RAB3IL1: variants seen among roughly 807,000 people sequenced by gnomAD.
RAB3IL1 encodes the protein guanine nucleotide exchange factor for Rab-3A.
RAB3IL1 carries 37 observed loss-of-function variants against 49.2 expected under a neutral mutation model. The observed-to-expected ratio is 0.75, with a 90% CI of 0.58 to 0.99. The LOEUF (loss-of-function observed/expected upper bound fraction) is 0.99, where lower values mean the gene tolerates loss of function less well. Ranked by LOEUF, RAB3IL1 falls within the 50% of genes least tolerant of loss-of-function variation. The pLI, the probability that RAB3IL1 is intolerant of heterozygous loss-of-function variation, is 0.00. For missense variants in RAB3IL1, 484 were observed against 513.0 expected (o/e 0.94, Z 0.55); for synonymous variants, 193 against 213.9 (o/e 0.90, Z 0.85).
chr11:61,917,588 CGAG>C, upstream of RAB3IL1: 1 of 1,068,228 alleles, frequency 9.4e-7, no homozygotes. Context: ...GGGAGCGGCC[CGAG>C]GACACGTGCC....
At chr11:61,900,397 G>C (rs758233713) in intron 8 of RAB3IL1, among the ~76,000 whole-genome samples, 1 of 152,256 alleles carries the variant, frequency 6.6e-6, no homozygotes, top group African/African-American at 2.4e-5. Context: ...CATCAAGTGA[G>C]AGGGGCACCC....
intron 7 of RAB3IL1, 61 bp from the exon 8 acceptor site, chr11:61,902,602 T>C (rs1256514206): frequency 2.1e-6 from 3 of 1,410,724 alleles, no homozygotes; most frequent in African/African-American, 1.4e-5. Flanking sequence ...CCCTCACCCC[T>C]GCATACAGGG....
the RAB3IL1 span, among the ~76,000 whole-genome samples, chr11:61,945,185 C>T: frequency 2.6e-5 from 4 of 152,174 alleles, no homozygotes; most frequent in African/African-American, 7.2e-5. Context: ...ACCCTTGTGC[C>T]GTCCTCTCCA....
intron 4 of RAB3IL1, 103 bp downstream of exon 4, chr11:61,907,290 G>C: frequency 7.9e-7 from 1 of 1,259,200 alleles, no homozygotes; most frequent in South Asian, 1.2e-5. Context: ...TGGCCCCACC[G>C]GGCCAGGTGA....
chr11:61,903,772 G>A (rs1287251087), intron 7 of RAB3IL1, among the ~76,000 whole-genome samples: 5 of 151,998 alleles, frequency 3.3e-5, no homozygotes, highest in South Asian at 2.1e-4. Context: ...TGATCCACCC[G>A]CCTCAACCTC....
upstream of RAB3IL1, among the ~76,000 whole-genome samples, chr11:61,917,988 G>A (rs1245519270): frequency 1.3e-5 from 2 of 152,120 alleles, no homozygotes; most frequent in African/African-American, 2.4e-5. Flanking sequence ...GGACAAACCC[G>A]AAACAAGTTT....
At chr11:61,926,463 G>C in the RAB3IL1 span, among the ~76,000 whole-genome samples, 3 of 152,164 alleles carry the variant, frequency 2.0e-5, no homozygotes, top group Non-Finnish European at 4.4e-5. Context: ...CCCAATGTTG[G>C]AGGTGGGCCT....
upstream of RAB3IL1, chr11:61,920,384 C>A: frequency 5.8e-6 from 4 of 691,856 alleles, no homozygotes; most frequent in Non-Finnish European, 8.0e-6. Flanking sequence ...ACTCCTGTGG[C>A]TCCTCAGGCA....
chr11:61,902,420 A>C (rs1411308264), intron 8 of RAB3IL1, 22 bp downstream of exon 8: 2 of 1,569,122 alleles, frequency 1.3e-6, no homozygotes, highest in Non-Finnish European at 1.7e-6. Flanking sequence ...GAGTCAAGTA[A>C]CGCTTGCAAA....
chr11:61,898,009 C>T lies in RAB3IL1; in HGVS notation c.*269G>A. ...GAGGCCCCCCGAGTATGGATCCGAG[C>T]TCCCTGGTCTTTGGTGCTTTCTTGA... On this transcript the variant is annotated 3_prime_UTR_variant, in exon 10 of 10. Coordinates refer to ENST00000394836, the MANE Select transcript of RAB3IL1 (RefSeq NM_013401.4). The surrounding 1 kb of genome is among the most constrained non-coding windows in gnomAD (Gnocchi z 5.1). 4.4e-6 allele frequency: 2 copies of T among 455,736 alleles called. No homozygotes were observed. Among genetic ancestry groups the T allele is most frequent in the Non-Finnish European group, 8.0e-6 (2 of 251,142 alleles). The allele number at this position is 455,736 out of a possible 1,614,324, so 28.2% of individuals were successfully genotyped here. A position where few individuals can be genotyped will look rare whatever the true frequency, so the allele number is the denominator to read the frequency against.
chr11:61,909,107 C>A (rs1289845407), intron 1 of RAB3IL1, among the ~76,000 whole-genome samples: 1 of 152,198 alleles, frequency 6.6e-6, no homozygotes, highest in Admixed American at 6.5e-5. Flanking sequence ...TGTTTTGTGC[C>A]AAGACAGCAC....
chr11:61,927,494 A>G, the RAB3IL1 span, among the ~76,000 whole-genome samples: 119 of 152,214 alleles, frequency 7.8e-4, no homozygotes, highest in South Asian at 6.2e-4. Flanking sequence ...GTCTGGAAAA[A>G]TTTCCTGAGG....
upstream of RAB3IL1, among the ~76,000 whole-genome samples, chr11:61,924,779 G>A (rs545160663): frequency 2.1e-3 from 313 of 152,292 alleles, no homozygotes; most frequent in Middle Eastern, 6.8e-3. Flanking sequence ...GAAGAAGGGA[G>A]GAAGGAAGGA....
chr11:61,928,384 T>C, the RAB3IL1 span, among the ~76,000 whole-genome samples: 1 of 151,570 alleles, frequency 6.6e-6, no homozygotes, highest in Non-Finnish European at 1.5e-5. Context: ...TCAAAATACA[T>C]GAAGCTAGGA....
chr11:61,908,828 C>T (rs1939336807), intron 1 of RAB3IL1, among the ~76,000 whole-genome samples: 1 of 152,204 alleles, frequency 6.6e-6, no homozygotes, highest in African/African-American at 2.4e-5. Context: ...CCAGGGCAGG[C>T]AGGGCTGAGG....
rs1939671510 is a variant in RAB3IL1, at chr11:61,916,064, G to A, written c.11+1293C>T. On this transcript the variant is annotated intron_variant, in intron 1 of 9. Transcript: ENST00000394836. ...AAAAAAAAAGAGTCTCAAGTCTTAG[G>A]GCAGGGCGTGGTGGTAAAAGCCTGT... Among the ~76,000 whole-genome samples the A allele has an allele frequency of 5.3e-5, 8 of 149,760 alleles. No homozygotes were observed. In the South Asian group the frequency reaches 1.5e-3, roughly 28 times the overall value.
chr11:61,939,381 A>C, the RAB3IL1 span, among the ~76,000 whole-genome samples: 2 of 152,314 alleles, frequency 1.3e-5, no homozygotes, highest in Middle Eastern at 6.8e-3. Context: ...AGCAGTACTC[A>C]AAGGGAAATT....
upstream of RAB3IL1, chr11:61,920,198 C>T (rs1048788227): frequency 2.4e-6 from 3 of 1,264,496 alleles, no homozygotes; most frequent in Non-Finnish European, 3.0e-6. Context: ...TCCATGCTTG[C>T]AAGGCCAGAC....
At chr11:61,920,914 A>C (rs747172425), upstream of RAB3IL1, among the ~76,000 whole-genome samples, 15 of 151,728 alleles carry the variant, frequency 9.9e-5, no homozygotes, top group Non-Finnish European at 1.9e-4. Flanking sequence ...CAAGAGCAAA[A>C]CTCCGTCTCA....
Sources: allele counts gnomAD v4.1 joint callset (sites outside exome capture counted in the v4.1 genomes callset), GRCh38; gene constraint gnomAD v4.1.1; non-coding constraint Gnocchi (gnomAD v3.1); transcripts MANE v1.5; gene names NCBI Gene and HGNC (gene_info 2026-07-23, HGNC 2026-07-21).